Variants in GINS2 observed in about 807,000 individuals in gnomAD.
GINS2 encodes GINS complex subunit 2.
GINS2 carries 23 observed loss-of-function variants against 21.2 expected under a neutral mutation model. That is an observed-to-expected ratio of 1.08 (90% CI 0.78 to 1.53). GINS2 has a LOEUF of 1.53. Ranked by LOEUF, GINS2 falls within the 40% of genes most tolerant of loss-of-function variation. GINS2 has a pLI of 0.00. For synonymous variants in GINS2, 118 were observed against 85.6 expected (o/e 1.38, Z -2.09); for missense variants, 323 against 233.9 (o/e 1.38, Z -2.49).
chr16:85,684,841 A>G (rs1296652155), intron 2 of GINS2, among the ~76,000 whole-genome samples: 1 of 151,416 alleles, frequency 6.6e-6, no homozygotes, highest in African/African-American at 2.4e-5. Context: ...AGGCTGGAGT[A>G]CAGTGGCGCG....
rs548202522 is a variant in GINS2, at chr16:85,678,320, C to G, written c.450G>C (p.Leu150Phe). 1 of 1,612,142 alleles carries G rather than the reference C, an allele frequency of 6.2e-7. No homozygotes were observed. Among genetic ancestry groups the G allele is most frequent in the East Asian group, 2.2e-5 (1 of 44,760 alleles). Residue 150 changes from leucine to phenylalanine, a missense_variant, in exon 5 of 5, where the codon TTG (leucine) becomes TTC (phenylalanine). By Grantham distance (22) the Leu-to-Phe change is conservative. Transcript: ENST00000253462. ...AAGTCCCGCTGGTGTTGATCTCCAT[C>G]AAGGTCAAGTTATCCAGCTAAAGCA... ...EAHAKLDNLTLMEINTSGTFL... is the reference protein window; with the variant it reads ...EAHAKLDNLTFMEINTSGTFL...
intron 2 of GINS2, among the ~76,000 whole-genome samples, chr16:85,682,413 A>G (rs955003898): frequency 6.6e-6 from 1 of 152,040 alleles, no homozygotes; most frequent in Non-Finnish European, 1.5e-5. Flanking sequence ...ACAAAACTAG[A>G]GCCACCCCAG....
In GINS2 at chr16:85,688,770, A is replaced by C. The variant is rs754789705; in HGVS notation, c.90+39T>G. On this transcript the variant is annotated intron_variant, in intron 1 of 4. Transcript: ENST00000253462. ...CCACGCGGGAGCCCCGGACGCGCCC[A>C]GCCCGGCCTCCCCTCCCCACGGCGG... 6.0e-6 allele frequency: 8 copies of C among 1,337,866 alleles called. No individual in the cohort carries two copies. In the African/African-American group the frequency reaches 1.1e-4, roughly 18 times the overall value. The allele number at this position is 1,337,866 out of a possible 1,614,324, so 82.9% of individuals were successfully genotyped here.
chr16:85,680,609 G>T (rs2053723677), intron 3 of GINS2, among the ~76,000 whole-genome samples: 2 of 152,060 alleles, frequency 1.3e-5, no homozygotes, highest in African/African-American at 4.8e-5. Context: ...GGGTACATGT[G>T]ATGGCACAGC....
chr16:85,687,332 T>C (rs931410244), intron 2 of GINS2, 128 bp downstream of exon 2: 103 of 558,922 alleles, frequency 1.8e-4, no homozygotes, highest in African/African-American at 6.3e-4. Flanking sequence ...AGCTGATCAG[T>C]AGATAACGGA....
At chr16:85,682,185 A>G (rs1002231566) in intron 2 of GINS2, among the ~76,000 whole-genome samples, 1 of 151,568 alleles carries the variant, frequency 6.6e-6, no homozygotes, top group Non-Finnish European at 1.5e-5. Flanking sequence ...ACATGCCACC[A>G]TTTATTTTTT....
Position 85,679,004 on chromosome 16 carries a change from G to T in GINS2, c.306-338C>A, listed in dbSNP as rs575218511. Among the ~76,000 whole-genome samples, 42 of 152,262 alleles carry T rather than the reference G, an allele frequency of 2.8e-4. No individual in the cohort carries two copies. The South Asian group carries it at 8.5e-3, about 31-fold the overall frequency. On this transcript the variant is annotated intron_variant, in intron 3 of 4. Coordinates refer to ENST00000253462, the MANE Select transcript of GINS2 (RefSeq NM_016095.3). ...GTGCTGCCTAACCTCCATCTACAAG[G>T]AATCAGTTTCGAGGGCTGGCTCAAA...
At position 85,681,583 on chromosome 16, in the gene GINS2, G is replaced by C. The variant is rs374067729; in HGVS notation, c.304C>G (p.His102Asp). The C allele has an allele frequency of 7.6e-6, 12 of 1,580,660 alleles. No individual in the cohort carries two copies. Among genetic ancestry groups the C allele is most frequent in the African/African-American group, 1.3e-5 (1 of 74,256 alleles). ...YMELTKLLLN[H>D]ASDNIPKADE... ...CTCTAAGAGGTGAGATCTACTTACT[G>C]ATTTAACAGGAGCTTCGTAAGTTCC... The change falls in exon 3 of 5, where the codon CAT becomes GAT. Residue 102 changes from histidine (H) to aspartate (D), a missense_variant and splice_region_variant. Transcript: ENST00000253462.
intron 3 of GINS2, among the ~76,000 whole-genome samples, chr16:85,678,995 A>G (rs1484548300): frequency 1.3e-5 from 2 of 152,146 alleles, no homozygotes; most frequent in African/African-American, 4.8e-5. Context: ...CCTAACCTCC[A>G]TCTACAAGGA....
chr16:85,682,813 C>T (rs754938591), intron 2 of GINS2, among the ~76,000 whole-genome samples: 5 of 152,190 alleles, frequency 3.3e-5, no homozygotes, highest in East Asian at 1.9e-4. Context: ...GGGACAAGCA[C>T]GGAGCACAGC....
At chr16:85,688,775 G>T in intron 1 of GINS2, 34 bp downstream of exon 1, 1 of 1,382,026 alleles carries the variant, frequency 7.2e-7, no homozygotes. Context: ...CGCCCAGCCC[G>T]GCCTCCCCTC....
chr16:85,680,099 T>C (rs907561998), intron 3 of GINS2, among the ~76,000 whole-genome samples: 2 of 152,162 alleles, frequency 1.3e-5, no homozygotes, highest in African/African-American at 2.4e-5. Context: ...GTCAAGAGCA[T>C]TGGTCACACT....
Position 85,688,891 on chromosome 16 carries a change from G to A in GINS2, c.8C>T (p.Ala3Val). 4 of 1,537,760 alleles carry A rather than the reference G, an allele frequency of 2.6e-6. No homozygotes were observed. Among genetic ancestry groups the A allele is most frequent in the Non-Finnish European group, 3.5e-6 (4 of 1,140,270 alleles). The change falls in exon 1 of 5, where the codon GCT becomes GTT. Residue 3 changes from alanine to valine, a missense_variant. Transcript: ENST00000253462. Reference sequence around the variant, plus strand: ...CTCGGCGAGGAATTCGACCTCGGCAGCGTCCATGGCGGCGCGAGCTGCAGG... The same window carrying A: ...CTCGGCGAGGAATTCGACCTCGGCAACGTCCATGGCGGCGCGAGCTGCAGG... MD[A>V]AEVEFLAEKE...
At position 85,685,678 on chromosome 16, in the gene GINS2, A is replaced by AAAAAAAAACAACAAAAAAAAAAC. The variant is rs1335754213; in HGVS notation, c.205+1781_205+1782insGTTTTTTTTTTGTTGTTTTTTTT. Among the ~76,000 whole-genome samples, 40 of 143,984 alleles carry AAAAAAAAACAACAAAAAAAAAAC rather than the reference A, an allele frequency of 2.8e-4. 3 individuals are homozygous for AAAAAAAAACAACAAAAAAAAAAC. The East Asian group carries it at 7.1e-3, about 25-fold the overall frequency. The allele number at this position is 143,984 out of a possible 152,430, so 94.5% of individuals were successfully genotyped here. A position where few individuals can be genotyped will look rare whatever the true frequency, so the allele number is the denominator to read the frequency against. On this transcript the variant is annotated intron_variant, in intron 2 of 4. Coordinates refer to ENST00000253462, the MANE Select transcript of GINS2 (RefSeq NM_016095.3). ...AGAGCAAGACCCTTTCTCAAAAAAA[A>AAAAAAAAACAACAAAAAAAAAAC]AAAAAAAAAAAAACCGTCTCAAAGC... is the stretch of plus-strand genomic sequence containing the variant.
At chr16:85,687,908 G>C (rs1394916084) in intron 1 of GINS2, 1 of 189,214 alleles carries the variant, frequency 5.3e-6, no homozygotes, top group Non-Finnish European at 1.1e-5. Context: ...GCGGGGAGGT[G>C]GGTCTGGGCA....
intron 2 of GINS2, among the ~76,000 whole-genome samples, chr16:85,687,145 C>T (rs2053783966): frequency 1.3e-5 from 2 of 152,208 alleles, no homozygotes; most frequent in Non-Finnish European, 2.9e-5. Flanking sequence ...CACTTGAACC[C>T]AGGAGGTGAA....
In GINS2 at chr16:85,687,565, C is replaced by A; in HGVS notation, c.100G>T (p.Gly34Trp). Residue 34 changes from glycine to tryptophan, a missense_variant, in exon 2 of 5, where the codon GGG (glycine) becomes TGG (tryptophan). Coordinates refer to ENST00000253462, the MANE Select transcript of GINS2 (RefSeq NM_016095.3). ...DKIYLIGGDL[G>W]PFNPGLPVEV... ...ACGGGTAAACCAGGGTTAAAAGGCCCCAGGTCCCCCTGCCAAAAGTAAAAC... is the reference window on the plus strand; with the variant it reads ...ACGGGTAAACCAGGGTTAAAAGGCCACAGGTCCCCCTGCCAAAAGTAAAAC... 2 of 1,553,018 alleles carry A rather than the reference C, an allele frequency of 1.3e-6. No individual in the cohort carries two copies. Among genetic ancestry groups the A allele is most frequent in the Non-Finnish European group, 1.7e-6 (2 of 1,154,110 alleles).
At chr16:85,685,684 A>AACAAAAAAAAAAAAACAACAAC (rs1452126045) in intron 2 of GINS2, among the ~76,000 whole-genome samples, 1 of 149,618 alleles carries the variant, frequency 6.7e-6, no homozygotes, top group African/African-American at 2.5e-5. Flanking sequence ...AAAAAAAAAA[A>AACAAAAAAAAAAAAACAACAAC]AAAAAAACCG....
chr16:85,686,520 T>C (rs1230197229), intron 2 of GINS2, among the ~76,000 whole-genome samples: 1 of 152,128 alleles, frequency 6.6e-6, no homozygotes, highest in Admixed American at 6.5e-5. Context: ...TGGGCAACCA[T>C]TACCTCCATC....
Sources: gnomAD v4.1 joint callset for allele counts (sites outside exome capture counted in the v4.1 genomes callset) on GRCh38, gnomAD v4.1.1 for gene constraint, MANE v1.5 for transcripts, NCBI Gene and HGNC (gene_info 2026-07-23, HGNC 2026-07-21) for gene names.